The following PRDM2 variants were observed in gnomAD, a reference collection of about 807,000 sequenced individuals.
The protein encoded by PRDM2 is PR domain zinc finger protein 2.
Under a neutral mutation model 130.0 loss-of-function variants are expected in PRDM2, and 30 were observed. That is an observed-to-expected ratio of 0.23 (90% CI 0.17 to 0.31). PRDM2 has a LOEUF of 0.31. PRDM2 is among the 10% of genes least tolerant of loss of function. The pLI is 1.00. For synonymous variants in PRDM2, 871 were observed against 782.4 expected (o/e 1.11, Z -1.89); for missense variants, 2,011 against 2,108.4 (o/e 0.95, Z 0.90).
chr1:13,813,249 G>A (rs772110431), intron 8 of PRDM2, among the ~76,000 whole-genome samples: 10 of 152,226 alleles, frequency 6.6e-5, no homozygotes, highest in Non-Finnish European at 1.2e-4. Flanking sequence ...CACACAGCTA[G>A]TGGGTGGGAA....
intron 8 of PRDM2, among the ~76,000 whole-genome samples, chr1:13,783,357 C>T (rs1002857900): frequency 3.9e-5 from 6 of 152,214 alleles, no homozygotes; most frequent in Non-Finnish European, 5.9e-5. Flanking sequence ...CAAAACAAAA[C>T]ATAGTCCTTT....
chr1:13,824,409 C>T lies in PRDM2; in HGVS notation c.*1274C>T, dbSNP rs1645401456. ...ATATGTATGTAGACACTTTTAAAAG[C>T]ACGTATTTATGTCCCTGACTGTAAA... On this transcript the variant is annotated 3_prime_UTR_variant, in exon 10 of 10. Coordinates refer to ENST00000311066, the MANE Select transcript of PRDM2 (RefSeq NM_001393986.1). 6.6e-6 allele frequency: 1 copy of T among 152,254 alleles called. No individual in the cohort carries two copies. The highest frequency in any genetic ancestry group is 2.4e-5 in the African/African-American group (1 of 41,376). 9.4% of individuals were successfully genotyped at this position (152,254 alleles called of 1,614,324 possible).
intron 6 of PRDM2, among the ~76,000 whole-genome samples, chr1:13,767,891 A>G (rs914172696): frequency 6.6e-6 from 1 of 151,826 alleles, no homozygotes; most frequent in Non-Finnish European, 1.5e-5. Context: ...AGGAGGGATC[A>G]CCTGAGCCCA....
intron 6 of PRDM2, among the ~76,000 whole-genome samples, chr1:13,760,656 A>G (rs1228764296): frequency 6.6e-6 from 1 of 152,170 alleles, no homozygotes; most frequent in East Asian, 1.9e-4. Context: ...GTTACTCTCC[A>G]TGTTTTGGTC....
intron 7 of PRDM2, among the ~76,000 whole-genome samples, chr1:13,774,971 A>AC (rs1166726296): frequency 1.3e-5 from 2 of 151,564 alleles, no homozygotes; most frequent in Non-Finnish European, 1.5e-5. Flanking sequence ...CCGTCTCAAA[A>AC]AAAAAAAAAA....
At chr1:13,716,450 TAATAAAAA>T (rs1642542068) in intron 2 of PRDM2, among the ~76,000 whole-genome samples, 1 of 151,604 alleles carries the variant, frequency 6.6e-6, no homozygotes. Context: ...TAAAGTATAA[TAATAAAAA>T]AATAAAAAAA....
Position 13,779,088 on chromosome 1 carries a change from T to C in PRDM2, c.1293T>C (p.Ala431=), listed in dbSNP as rs780385266. 1.1e-5 allele frequency: 18 copies of C among 1,614,086 alleles called. No homozygotes were observed. Among genetic ancestry groups the C allele is most frequent in the Non-Finnish European group, 1.4e-5 (17 of 1,180,048 alleles). The change falls in exon 8 of 10, where the codon GCT becomes GCC. Residue 431 remains alanine (A), a synonymous_variant. Coordinates refer to ENST00000311066, the MANE Select transcript of PRDM2 (RefSeq NM_001393986.1). This position sits in a 1 kb window ranked among gnomAD's most constrained non-coding sequence, Gnocchi z 4.9. ...SQTLQPSEDL[A]DGKASGENVA... ...CACTACAGCCGTCAGAGGATCTGGC[T>C]GATGGCAAAGCATCTGGAGAAAACG...
intron 2 of PRDM2, among the ~76,000 whole-genome samples, chr1:13,723,500 G>A (rs753961086): frequency 1.3e-5 from 2 of 152,222 alleles, no homozygotes; most frequent in African/African-American, 2.4e-5. Flanking sequence ...GGAATTGGAC[G>A]TGACAGATTT....
In PRDM2 at chr1:13,779,728, C is replaced by T. The variant is rs368766493; in HGVS notation, c.1933C>T (p.Pro645Ser). Residue 645 changes from proline (P) to serine (S), a missense_variant, in exon 8 of 10, where the codon CCT becomes TCT. By Grantham distance (74) the Pro-to-Ser change is moderately conservative. Transcript: ENST00000311066. This position sits in a 1 kb window ranked among gnomAD's most constrained non-coding sequence, Gnocchi z 4.9. ...EAKKRRTASP[P>S]ALPKIKAETD... The stretch of plus-strand genomic sequence containing the variant: ...CAAGAAGCGGAGAACTGCGAGCCCA[C>T]CTGCACTGCCCAAAATTAAGGCCGA... The T allele has an allele frequency of 6.2e-7, 1 of 1,614,142 alleles. No homozygotes were observed. Among genetic ancestry groups the T allele is most frequent in the South Asian group, 1.1e-5 (1 of 91,072 alleles).
At chr1:13,710,814 C>T (rs142384106) in intron 1 of PRDM2, among the ~76,000 whole-genome samples, 4 of 152,182 alleles carry the variant, frequency 2.6e-5, no homozygotes, top group African/African-American at 4.8e-5. Context: ...TGGCCGGGCG[C>T]GGTGGCTCAC....
At chr1:13,775,784 T>C (rs1435244798) in intron 7 of PRDM2, among the ~76,000 whole-genome samples, 1 of 152,056 alleles carries the variant, frequency 6.6e-6, no homozygotes, top group African/African-American at 2.4e-5. Context: ...CCCCTTTCCT[T>C]CTTAGCACAG....
chr1:13,732,718 A>G, intron 3 of PRDM2, 61 bp from the exon 4 acceptor site: 1 of 1,224,608 alleles, frequency 8.2e-7, no homozygotes, highest in South Asian at 1.4e-5. Context: ...AAGCGATTTT[A>G]ATGGTTTCAA....
At chr1:13,801,182 C>A (rs527293904) in intron 8 of PRDM2, among the ~76,000 whole-genome samples, 1 of 152,160 alleles carries the variant, frequency 6.6e-6, no homozygotes, top group Non-Finnish European at 1.5e-5. Flanking sequence ...ATGGAGGGGG[C>A]AAGGGGAGGG....
chr1:13,821,430 A>ACATT (rs1435343241), intron 9 of PRDM2, among the ~76,000 whole-genome samples: 45 of 142,282 alleles, frequency 3.2e-4, no homozygotes, highest in Middle Eastern at 3.6e-3. Flanking sequence ...AATGCAGTGA[A>ACATT]CATTTATTTA....
chr1:13,786,690 G>A, intron 8 of PRDM2: 2 of 1,484,900 alleles, frequency 1.3e-6, no homozygotes, highest in Admixed American at 2.3e-5. Flanking sequence ...CAGGCTTAGA[G>A]TCAGGCATCT....
intron 6 of PRDM2, among the ~76,000 whole-genome samples, chr1:13,752,997 T>TC (rs1440213414): frequency 6.6e-6 from 1 of 152,208 alleles, no homozygotes; most frequent in Non-Finnish European, 1.5e-5. Context: ...GGCGTTTACT[T>TC]CCCTGCTACT....
rs1467580500 is a variant in PRDM2 at position 13,806,559 on chromosome 1, A to C, written c.5037-9868A>C. Among the ~76,000 whole-genome samples the C allele has an allele frequency of 6.6e-6, 1 of 152,086 alleles. No individual in the cohort carries two copies. The highest frequency in any genetic ancestry group is 1.5e-5 in the Non-Finnish European group (1 of 67,996). ...GGAGTCCAGCTACCAGCTAGACTCC[A>C]ACCTCTTCCTCCATCCCCACATCCA... is the stretch of plus-strand genomic sequence containing the variant. On this transcript the variant is annotated intron_variant, in intron 8 of 9. Coordinates refer to ENST00000311066, the MANE Select transcript of PRDM2 (RefSeq NM_001393986.1). This position sits in a 1 kb window ranked among gnomAD's most constrained non-coding sequence, Gnocchi z 4.1.
At chr1:13,789,463 T>C (rs1283862040) in intron 8 of PRDM2, among the ~76,000 whole-genome samples, 1 of 152,206 alleles carries the variant, frequency 6.6e-6, no homozygotes, top group Non-Finnish European at 1.5e-5. Flanking sequence ...TGTATTTTCA[T>C]AGTGGCTTTT....
intron 6 of PRDM2, among the ~76,000 whole-genome samples, chr1:13,767,473 T>TTA (rs201761641): frequency 0.025 from 3,804 of 151,216 alleles, 65 homozygotes; most frequent in Middle Eastern, 0.041. Context: ...TTCTATTTTT[T>TTA]TTTTTTTTTT....
Sources: gnomAD v4.1 joint callset for allele counts (sites outside exome capture counted in the v4.1 genomes callset) on GRCh38, gnomAD v4.1.1 for gene constraint, Gnocchi (gnomAD v3.1) non-coding constraint, MANE v1.5 for transcripts, NCBI Gene and HGNC (gene_info 2026-07-23, HGNC 2026-07-21) for gene names.